The following CBFA2T2 variants were observed in gnomAD, a reference collection of about 807,000 sequenced individuals.
CBFA2T2 encodes CBFA2/RUNX1 partner transcriptional co-repressor 2.
Under a neutral mutation model 62.2 loss-of-function variants are expected in CBFA2T2, and 11 were observed. The ratio of observed to expected loss-of-function variants is 0.18; its 90% CI spans 0.11 to 0.29. The LOEUF is 0.29. CBFA2T2 is among the 10% of genes least tolerant of loss of function. The probability of loss-of-function intolerance (pLI) is 1.00; values close to 1 mark genes in which losing one functional copy is unlikely to be tolerated. For missense variants in CBFA2T2, 592 were observed against 774.1 expected (o/e 0.76, Z 2.79); for synonymous variants, 295 against 287.5 (o/e 1.03, Z -0.27).
chr20:33,606,712 A>G (rs750655967), intron 1 of CBFA2T2, among the ~76,000 whole-genome samples: 1 of 152,012 alleles, frequency 6.6e-6, no homozygotes, highest in Non-Finnish European at 1.5e-5. Flanking sequence ...GCCCACCCAG[A>G]CAATCTAGGA....
chr20:33,567,740 G>A (rs1387194659), intron 1 of CBFA2T2, among the ~76,000 whole-genome samples: 4 of 151,900 alleles, frequency 2.6e-5, no homozygotes, highest in East Asian at 1.9e-4. Context: ...GTGCCACCAC[G>A]CCCAGTTAAT....
At chr20:33,542,798 G>C (rs1420481417) in intron 1 of CBFA2T2, among the ~76,000 whole-genome samples, 1 of 151,708 alleles carries the variant, frequency 6.6e-6, no homozygotes, top group African/African-American at 2.4e-5. Flanking sequence ...CAACCTCCCG[G>C]GAAGCTGGGA....
chr20:33,523,383 A>G (rs924735178), intron 1 of CBFA2T2, among the ~76,000 whole-genome samples: 1 of 151,870 alleles, frequency 6.6e-6, no homozygotes, highest in African/African-American at 2.4e-5. Context: ...GGGTTCAAGC[A>G]GTTCTCCTGC....
chr20:33,514,598 G>T (rs962996977), intron 1 of CBFA2T2, among the ~76,000 whole-genome samples: 2 of 152,120 alleles, frequency 1.3e-5, no homozygotes, highest in Non-Finnish European at 2.9e-5. Flanking sequence ...TGGGGTCATG[G>T]TAAGGATTTT....
chr20:33,551,648 A>G lies in CBFA2T2; in HGVS notation c.35-55308A>G, dbSNP rs971941210. On this transcript the variant is annotated intron_variant, in intron 1 of 10. Transcript: ENST00000342704. ...TGGGTTAAAGCAATTCTTGTGCCTC[A>G]GTCTCCCATCGTAGCTGGGATTACA... Among the ~76,000 whole-genome samples the G allele has an allele frequency of 4.6e-5, 7 of 151,728 alleles. No individual in the cohort carries two copies. In the East Asian group the frequency reaches 1.4e-3, roughly 29 times the overall value.
chr20:33,640,595 T>C, intron 10 of CBFA2T2, 64 bp downstream of exon 10: 1 of 1,462,266 alleles, frequency 6.8e-7, no homozygotes, highest in South Asian at 1.2e-5. Flanking sequence ...GCTGCCTTCC[T>C]CTCATACGCT....
intron 6 of CBFA2T2, 134 bp downstream of exon 6, chr20:33,625,151 A>G: frequency 2.4e-6 from 2 of 833,592 alleles, no homozygotes; most frequent in Non-Finnish European, 3.7e-6. Context: ...GACTATTAGA[A>G]TCATAGTTGA....
chr20:33,590,807 C>T (rs1038323901), intron 1 of CBFA2T2, among the ~76,000 whole-genome samples: 1 of 152,022 alleles, frequency 6.6e-6, no homozygotes, highest in Non-Finnish European at 1.5e-5. Context: ...CCTTTCTTTG[C>T]GCTGGGGGAA....
At chr20:33,617,007 A>G (rs2122315370) in intron 3 of CBFA2T2, among the ~76,000 whole-genome samples, 1 of 152,314 alleles carries the variant, frequency 6.6e-6, no homozygotes, top group East Asian at 1.9e-4. Context: ...GGCCGACTTG[A>G]GGCCAGGAGC....
chr20:33,592,878 C>T (rs919728810), intron 1 of CBFA2T2, among the ~76,000 whole-genome samples: 1 of 152,054 alleles, frequency 6.6e-6, no homozygotes, highest in Admixed American at 6.5e-5. Context: ...CTCCATTAAC[C>T]TCTATAAAGA....
chr20:33,550,280 G>A (rs1188672418), intron 1 of CBFA2T2, among the ~76,000 whole-genome samples: 1 of 151,956 alleles, frequency 6.6e-6, no homozygotes, highest in East Asian at 1.9e-4. Context: ...TTAATTTTTT[G>A]TCAAAATCCT....
intron 1 of CBFA2T2, among the ~76,000 whole-genome samples, chr20:33,581,549 G>A (rs2014116023): frequency 1.3e-5 from 2 of 151,878 alleles, no homozygotes; most frequent in African/African-American, 2.4e-5. Context: ...TTGAATCCTG[G>A]GGAACCAGAG....
intron 1 of CBFA2T2, among the ~76,000 whole-genome samples, chr20:33,588,392 A>G (rs1469668767): frequency 6.6e-6 from 1 of 151,260 alleles, no homozygotes; most frequent in African/African-American, 2.4e-5. Context: ...AGATCAACAA[A>G]TGAATAATGA....
chr20:33,633,908 A>G (rs577176949), intron 8 of CBFA2T2, among the ~76,000 whole-genome samples: 1 of 152,118 alleles, frequency 6.6e-6, no homozygotes, highest in African/African-American at 2.4e-5. Context: ...ATTATATTGT[A>G]TGTTAATATT....
chr20:33,510,249 C>T (rs1225569144), intron 1 of CBFA2T2, among the ~76,000 whole-genome samples: 2 of 147,790 alleles, frequency 1.4e-5, no homozygotes, highest in Admixed American at 6.8e-5. Flanking sequence ...CTCGCTCTGT[C>T]GCCCAGACTG....
chr20:33,490,447 C>A, intron 1 of CBFA2T2, 146 bp downstream of exon 1: 2 of 862,538 alleles, frequency 2.3e-6, no homozygotes, highest in Non-Finnish European at 3.1e-6. Flanking sequence ...GGTCACGCAG[C>A]GGGGCGGGCC....
At chr20:33,637,423 A>G (rs928230356) in intron 9 of CBFA2T2, among the ~76,000 whole-genome samples, 2 of 152,254 alleles carry the variant, frequency 1.3e-5, no homozygotes, top group Non-Finnish European at 2.9e-5. Flanking sequence ...TAGTAAACAA[A>G]TAAAAGATAT....
At chr20:33,544,604 G>A (rs1378394851) in intron 1 of CBFA2T2, among the ~76,000 whole-genome samples, 1 of 152,056 alleles carries the variant, frequency 6.6e-6, no homozygotes, top group African/African-American at 2.4e-5. Flanking sequence ...CTGGAGCGTA[G>A]TGGCGCGATC....
chr20:33,593,608 G>T (rs2014760566), intron 1 of CBFA2T2, among the ~76,000 whole-genome samples: 1 of 151,990 alleles, frequency 6.6e-6, no homozygotes, highest in East Asian at 1.9e-4. Flanking sequence ...GGCCAGGCTG[G>T]TCTCGAGCTC....
Sources: allele counts gnomAD v4.1 joint callset (sites outside exome capture counted in the v4.1 genomes callset), GRCh38; gene constraint gnomAD v4.1.1; transcripts MANE v1.5; gene names NCBI Gene and HGNC (gene_info 2026-07-23, HGNC 2026-07-21).